Variants in KIF6 observed in about 807,000 individuals in gnomAD.
KIF6 encodes the protein kinesin family member 6.
In KIF6, 106 loss-of-function variants were observed where a neutral mutation model predicts 112.7. The observed-to-expected ratio is 0.94, with a 90% CI of 0.80 to 1.11. KIF6 has a LOEUF of 1.11. KIF6 is among the 50% of genes least tolerant of loss of function. The pLI is 0.00. For missense variants in KIF6, 929 were observed against 964.0 expected (o/e 0.96, Z 0.48); for synonymous variants, 339 against 339.9 (o/e 1.00, Z 0.03).
chr6:39,492,620 C>T (rs375432525), intron 13 of KIF6, among the ~76,000 whole-genome samples: 2 of 152,318 alleles, frequency 1.3e-5, no homozygotes, highest in East Asian at 1.9e-4. Flanking sequence ...TTTGTAATTG[C>T]TGTGTCTCAG....
intron 3 of KIF6, among the ~76,000 whole-genome samples, chr6:39,672,375 A>G (rs1786872575): frequency 6.6e-6 from 1 of 152,218 alleles, no homozygotes; most frequent in South Asian, 2.1e-4. Context: ...GAACATATCA[A>G]TGACTTTGAG....
intron 5 of KIF6, among the ~76,000 whole-genome samples, chr6:39,631,119 G>T (rs953838878): frequency 1.3e-5 from 2 of 151,678 alleles, no homozygotes; most frequent in Admixed American, 6.6e-5. Flanking sequence ...AGAGATATTA[G>T]TCCGTAGTTT....
intron 13 of KIF6, among the ~76,000 whole-genome samples, chr6:39,511,282 G>T (rs1299549500): frequency 2.0e-5 from 3 of 152,090 alleles, no homozygotes; most frequent in Admixed American, 6.6e-5. Flanking sequence ...GTGGGCAAAG[G>T]ATATGAACAG....
intron 13 of KIF6, among the ~76,000 whole-genome samples, chr6:39,508,605 G>A (rs537624396): frequency 1.2e-4 from 19 of 152,252 alleles, no homozygotes; most frequent in Non-Finnish European, 2.5e-4. Flanking sequence ...AACCTTTCTC[G>A]CTGCTAGTGT....
chr6:39,499,941 T>C (rs1452683363), intron 13 of KIF6, among the ~76,000 whole-genome samples: 1 of 152,178 alleles, frequency 6.6e-6, no homozygotes, highest in African/African-American at 2.4e-5. Flanking sequence ...AGCAATGTAC[T>C]GTGGTCCCTG....
chr6:39,344,638 C>T (rs1763571601), intron 21 of KIF6, among the ~76,000 whole-genome samples: 1 of 152,108 alleles, frequency 6.6e-6, no homozygotes, highest in South Asian at 2.1e-4. Context: ...CCTCTTACCA[C>T]CACCACTCTT....
intron 3 of KIF6, among the ~76,000 whole-genome samples, chr6:39,707,769 G>A (rs78448861): frequency 1.2e-3 from 181 of 152,278 alleles, no homozygotes; most frequent in African/African-American, 4.1e-3. Flanking sequence ...GGGCACTGAC[G>A]CTTGTAAAGC....
At chr6:39,429,195 C>T (rs143221442) in intron 14 of KIF6, among the ~76,000 whole-genome samples, 29 of 152,316 alleles carry the variant, frequency 1.9e-4, no homozygotes, top group Middle Eastern at 3.4e-3. Flanking sequence ...ACCCTCATTG[C>T]GGTTTGCTTT....
rs142495534 is a variant in KIF6 at position 39,412,829 on chromosome 6, G to C, written c.1810+7119C>G. 1.2e-3 allele frequency among the ~76,000 whole-genome samples: 188 copies of C among 152,226 alleles called. 2 individuals carry two copies. Among genetic ancestry groups the C allele is most frequent in the African/African-American group, 4.1e-3 (170 of 41,530 alleles). On this transcript the variant is annotated intron_variant, in intron 15 of 22. Transcript: ENST00000287152. ...CCTTGCCTCCATGTTCCTTTTTGTG[G>C]TCCAGCGTGGCTGGGTGCTGTCTCT...
intron 22 of KIF6, 41 bp from the exon 23 acceptor site, chr6:39,336,589 C>T (rs1762918945): frequency 1.9e-6 from 3 of 1,603,202 alleles, no homozygotes; most frequent in African/African-American, 1.3e-5. Context: ...GCTGTGCATG[C>T]AGACACTGAC....
chr6:39,621,656 G>A (rs1783828493), intron 5 of KIF6, among the ~76,000 whole-genome samples: 1 of 152,158 alleles, frequency 6.6e-6, no homozygotes, highest in South Asian at 2.1e-4. Context: ...GCTTAGTAGT[G>A]TATGTTGCAC....
chr6:39,544,121 C>T (rs976562952), intron 12 of KIF6, among the ~76,000 whole-genome samples: 7 of 152,310 alleles, frequency 4.6e-5, no homozygotes, highest in Middle Eastern at 3.4e-3. Context: ...GTTTCACCCA[C>T]GCACCAGCCA....
intron 16 of KIF6, among the ~76,000 whole-genome samples, chr6:39,374,969 C>T (rs1766315061): frequency 6.6e-6 from 1 of 152,160 alleles, no homozygotes; most frequent in South Asian, 2.1e-4. Context: ...TGAATCAACC[C>T]ATCAACAGAT....
intron 3 of KIF6, among the ~76,000 whole-genome samples, chr6:39,663,691 GAGGAA>G (rs1408396892): frequency 6.6e-6 from 1 of 152,118 alleles, no homozygotes; most frequent in East Asian, 1.9e-4. Flanking sequence ...GCTGAGCAGG[GAGGAA>G]AGGAATTACA....
chr6:39,454,397 GA>G (rs1191779831), intron 13 of KIF6, among the ~76,000 whole-genome samples: 1 of 152,016 alleles, frequency 6.6e-6, no homozygotes, highest in Non-Finnish European at 1.5e-5. Context: ...GGCAATATTA[GA>G]AAAGATAATA....
chr6:39,366,042 C>T (rs1765532996), intron 16 of KIF6, among the ~76,000 whole-genome samples: 1 of 152,238 alleles, frequency 6.6e-6, no homozygotes, highest in Non-Finnish European at 1.5e-5. Flanking sequence ...TTTCCTTGGG[C>T]ATCTTGCAGG....
chr6:39,563,646 C>A (rs1305394591), intron 10 of KIF6, among the ~76,000 whole-genome samples: 1 of 152,150 alleles, frequency 6.6e-6, no homozygotes, highest in East Asian at 1.9e-4. Flanking sequence ...GGACAAATTT[C>A]TAGAAGTAAA....
Position 39,544,702 on chromosome 6 carries a change from T to C in KIF6, c.1288-9A>G. 1 of 1,561,180 alleles carries C rather than the reference T, an allele frequency of 6.4e-7. No individual in the cohort carries two copies. Among genetic ancestry groups the C allele is most frequent in the Admixed American group, 1.9e-5 (1 of 52,342 alleles). On this transcript the variant is annotated splice_polypyrimidine_tract_variant and intron_variant, in intron 11 of 22. Transcript: ENST00000287152. ...TTGTCATTCAATAGTTTCTGTAAGA[T>C]AAAATAAGAGCTTAGTACCCATATC...
At chr6:39,630,282 G>A (rs1784290484) in intron 5 of KIF6, among the ~76,000 whole-genome samples, 2 of 152,016 alleles carry the variant, frequency 1.3e-5, no homozygotes, top group South Asian at 2.1e-4. Flanking sequence ...AAGTGAGAAA[G>A]AACTGACATC....
Sources: allele counts gnomAD v4.1 joint callset (sites outside exome capture counted in the v4.1 genomes callset), GRCh38; gene constraint gnomAD v4.1.1; transcripts MANE v1.5; gene names NCBI Gene and HGNC (gene_info 2026-07-23, HGNC 2026-07-21).